The following AGMO variants were observed in gnomAD, a reference collection of about 807,000 sequenced individuals.
AGMO encodes the protein glyceryl-ether monooxygenase.
Under a neutral mutation model 60.2 loss-of-function variants are expected in AGMO, and 75 were observed. The ratio of observed to expected loss-of-function variants is 1.25; its 90% CI spans 1.03 to 1.51. The LOEUF is 1.51. Ranked by LOEUF, AGMO falls within the 40% of genes most tolerant of loss-of-function variation. The pLI, the probability that AGMO is intolerant of heterozygous loss-of-function variation, is 0.00. For missense variants in AGMO, 763 were observed against 525.5 expected, an observed-to-expected ratio of 1.45 and a Z score of -4.42; for synonymous variants, 261 against 177.1, an observed-to-expected ratio of 1.47 and a Z score of -3.76.
intron 12 of AGMO, among the ~76,000 whole-genome samples, chr7:15,354,980 T>C (rs548225780): frequency 6.6e-6 from 1 of 152,090 alleles, no homozygotes; most frequent in South Asian, 2.1e-4. Flanking sequence ...TGCTCACTTA[T>C]ACATGGCTAA....
chr7:15,475,957 A>G (rs1472821498), intron 3 of AGMO, among the ~76,000 whole-genome samples: 1 of 152,074 alleles, frequency 6.6e-6, no homozygotes, highest in Non-Finnish European at 1.5e-5. Context: ...AATGCTTCCA[A>G]ATCATGACGT....
chr7:15,332,932 A>G (rs192278449), intron 12 of AGMO, among the ~76,000 whole-genome samples: 91 of 152,282 alleles, frequency 6.0e-4, no homozygotes, highest in African/African-American at 2.0e-3. Context: ...CTTCCTGGGC[A>G]TATGAAAGTT....
intron 10 of AGMO, among the ~76,000 whole-genome samples, chr7:15,384,081 C>T (rs965705013): frequency 6.6e-6 from 1 of 152,026 alleles, no homozygotes; most frequent in Non-Finnish European, 1.5e-5. Context: ...GACTACAGGG[C>T]CCGCCACCAT....
chr7:15,298,785 C>A (rs1223276302), intron 12 of AGMO, among the ~76,000 whole-genome samples: 2 of 152,122 alleles, frequency 1.3e-5, no homozygotes, highest in African/African-American at 2.4e-5. Flanking sequence ...AATAGAGAAA[C>A]AATGACCATT....
chr7:15,387,635 T>C (rs2128483941), intron 8 of AGMO, 95 bp from the exon 9 acceptor site: 1 of 1,104,776 alleles, frequency 9.1e-7, no homozygotes, highest in South Asian at 1.6e-5. Context: ...TTCAAGGTAA[T>C]TTACGTATTT....
At chr7:15,452,201 C>A (rs1303276094) in intron 3 of AGMO, among the ~76,000 whole-genome samples, 1 of 151,498 alleles carries the variant, frequency 6.6e-6, no homozygotes, top group Non-Finnish European at 1.5e-5. Flanking sequence ...GGATATGATA[C>A]CAGAAGGCCA....
At chr7:15,427,222 A>C (rs1286504198) in intron 4 of AGMO, among the ~76,000 whole-genome samples, 1 of 152,188 alleles carries the variant, frequency 6.6e-6, no homozygotes, top group Non-Finnish European at 1.5e-5. Flanking sequence ...TAGATACATA[A>C]TGTATAGTGG....
chr7:15,372,030 T>C (rs1583470534), intron 10 of AGMO, among the ~76,000 whole-genome samples: 1 of 152,132 alleles, frequency 6.6e-6, no homozygotes, highest in East Asian at 1.9e-4. Context: ...CTGAGAATAT[T>C]GAAGAGGGAA....
intron 5 of AGMO, chr7:15,396,268 G>C (rs1344780853): frequency 2.0e-5 from 3 of 152,284 alleles, no homozygotes; most frequent in Non-Finnish European, 4.4e-5. Context: ...CTTAAGGGCA[G>C]CTTCTCCGGA....
intron 3 of AGMO, among the ~76,000 whole-genome samples, chr7:15,542,534 C>G (rs997818758): frequency 2.0e-5 from 3 of 152,088 alleles, no homozygotes; most frequent in African/African-American, 7.2e-5. Flanking sequence ...AACAAATTTG[C>G]AGATTTCCCA....
chr7:15,173,293 T>C, the AGMO span, among the ~76,000 whole-genome samples: 1 of 152,130 alleles, frequency 6.6e-6, no homozygotes, highest in Admixed American at 6.6e-5. Context: ...TCAAAGGACA[T>C]TCCTATTTCT....
intron 3 of AGMO, among the ~76,000 whole-genome samples, chr7:15,431,822 C>T (rs962962904): frequency 5.9e-5 from 9 of 151,736 alleles, no homozygotes; most frequent in South Asian, 2.1e-4. Context: ...ATACAGATTG[C>T]TCTCATACTG....
intron 3 of AGMO, among the ~76,000 whole-genome samples, chr7:15,436,812 C>A (rs1781416395): frequency 6.6e-6 from 1 of 152,138 alleles, no homozygotes; most frequent in South Asian, 2.1e-4. Context: ...CTGGGACAAT[C>A]ATGGCACATC....
intron 10 of AGMO, among the ~76,000 whole-genome samples, chr7:15,369,595 C>A (rs544591593): frequency 1.3e-4 from 20 of 152,190 alleles, no homozygotes; most frequent in African/African-American, 4.6e-4. Flanking sequence ...CCCTCCGACA[C>A]AAAATAGTAC....
intron 12 of AGMO, among the ~76,000 whole-genome samples, chr7:15,215,366 C>CT (rs1374905565): frequency 2.0e-5 from 3 of 151,764 alleles, no homozygotes; most frequent in South Asian, 2.1e-4. Context: ...TTTTTCCTCT[C>CT]TTTTTTTTCT....
At chr7:15,203,335 A>G (rs1431109652) in intron 12 of AGMO, among the ~76,000 whole-genome samples, 1 of 152,126 alleles carries the variant, frequency 6.6e-6, no homozygotes, top group Non-Finnish European at 1.5e-5. Flanking sequence ...ACTTTCCACT[A>G]AATCTTTCCA....
intron 12 of AGMO, among the ~76,000 whole-genome samples, chr7:15,352,117 G>C (rs1057373566): frequency 6.6e-6 from 1 of 152,134 alleles, no homozygotes; most frequent in African/African-American, 2.4e-5. Flanking sequence ...ATAGCAAGAA[G>C]ACCTCTATTT....
chr7:15,265,651 CT>C (rs1474403500), intron 12 of AGMO, among the ~76,000 whole-genome samples: 2 of 151,900 alleles, frequency 1.3e-5, no homozygotes, highest in Non-Finnish European at 2.9e-5. Flanking sequence ...AAGTAACAAG[CT>C]TTTGCCAGAA....
chr7:15,297,678 T>G (rs2128524547), intron 12 of AGMO, among the ~76,000 whole-genome samples: 1 of 152,288 alleles, frequency 6.6e-6, no homozygotes, highest in Non-Finnish European at 1.5e-5. Context: ...CCCCCCTTCC[T>G]GGGAAACTTT....
Sources: allele counts gnomAD v4.1 joint callset (sites outside exome capture counted in the v4.1 genomes callset), GRCh38; gene constraint gnomAD v4.1.1; transcripts MANE v1.5; gene names NCBI Gene and HGNC (gene_info 2026-07-23, HGNC 2026-07-21).